TRMT11: variants seen among roughly 807,000 people sequenced by gnomAD.
The protein encoded by TRMT11 is tRNA (guanine(10)-N(2))-methyltransferase TRMT11.
A neutral mutation model predicts 62.8 loss-of-function variants in TRMT11; 53 were observed. The ratio of observed to expected loss-of-function variants is 0.84; its 90% confidence interval spans 0.68 to 1.06. The LOEUF (loss-of-function observed/expected upper bound fraction) is 1.06. Among genes scored for constraint, TRMT11 ranks in the 50% least tolerant of loss-of-function variants. The pLI, the probability that TRMT11 is intolerant of heterozygous loss-of-function variation, is 0.00. For missense variants in TRMT11, 556 were observed against 553.4 expected, an observed-to-expected ratio of 1.00 and a Z score of -0.05; for synonymous variants, 188 against 190.3, an observed-to-expected ratio of 0.99 and a Z score of 0.10.
intron 1 of TRMT11, among the ~76,000 whole-genome samples, chr6:126,183,893 T>A (rs1030088332): frequency 2.0e-5 from 3 of 152,142 alleles, no homozygotes; most frequent in African/African-American, 7.2e-5. Flanking sequence ...ACCTCAGCCC[T>A]TAGTGCGAGT....
At chr6:126,055,095 G>A (rs1044211561) in intron 17 of TRMT11, among the ~76,000 whole-genome samples, 1 of 152,152 alleles carries the variant, frequency 6.6e-6, no homozygotes, top group Non-Finnish European at 1.5e-5. Context: ...CTCCTGAGAA[G>A]CTGGGACTAC....
chr6:126,161,971 G>T (rs1778196101), intron 21 of TRMT11, among the ~76,000 whole-genome samples: 1 of 152,106 alleles, frequency 6.6e-6, no homozygotes, highest in African/African-American at 2.4e-5. Context: ...CCCTTTCTCA[G>T]ATGGATAGAT....
At chr6:126,065,597 C>T (rs997324434) in intron 17 of TRMT11, among the ~76,000 whole-genome samples, 2 of 152,082 alleles carry the variant, frequency 1.3e-5, no homozygotes, top group Non-Finnish European at 2.9e-5. Context: ...TTTCTCTGTG[C>T]CTCAGTTTTC....
chr6:126,175,581 A>G (rs1388678452), upstream of TRMT11, among the ~76,000 whole-genome samples: 1 of 152,190 alleles, frequency 6.6e-6, no homozygotes, highest in African/African-American at 2.4e-5. Context: ...AAAGGCAACA[A>G]AAGTCTATTT....
intron 21 of TRMT11, among the ~76,000 whole-genome samples, chr6:126,169,906 A>T (rs925462122): frequency 4.0e-5 from 6 of 151,684 alleles, no homozygotes; most frequent in East Asian, 1.9e-4. Flanking sequence ...AATAAGACAA[A>T]TTTTTTTTTA....
intron 1 of TRMT11, among the ~76,000 whole-genome samples, chr6:126,189,194 C>T (rs1441795261): frequency 6.6e-6 from 1 of 152,094 alleles, no homozygotes; most frequent in Non-Finnish European, 1.5e-5. Flanking sequence ...GACTTAAATG[C>T]AGGATAATTG....
chr6:126,221,808 A>T, the TRMT11 span, among the ~76,000 whole-genome samples: 1 of 152,166 alleles, frequency 6.6e-6, no homozygotes, highest in Non-Finnish European at 1.5e-5. Flanking sequence ...TAAACTGTTT[A>T]ATTTAGTTAG....
downstream of TRMT11, among the ~76,000 whole-genome samples, chr6:126,205,736 T>C (rs1016450182): frequency 3.3e-5 from 5 of 152,042 alleles, no homozygotes; most frequent in African/African-American, 9.7e-5. Flanking sequence ...TGTATTCTTA[T>C]CTCTCTTTCT....
At chr6:126,023,312 T>C (rs1181697996) in intron 12 of TRMT11, among the ~76,000 whole-genome samples, 1 of 152,190 alleles carries the variant, frequency 6.6e-6, no homozygotes, top group African/African-American at 2.4e-5. Context: ...AACGTCCATT[T>C]CAAACCCCGT....
upstream of TRMT11, among the ~76,000 whole-genome samples, chr6:126,175,174 T>G (rs1281340998): frequency 1.3e-5 from 2 of 152,180 alleles, no homozygotes; most frequent in Non-Finnish European, 2.9e-5. Flanking sequence ...GGGACAGTGA[T>G]TGAACCCAGG....
At chr6:126,154,519 T>C (rs1778095893) in intron 21 of TRMT11, among the ~76,000 whole-genome samples, 1 of 152,198 alleles carries the variant, frequency 6.6e-6, no homozygotes, top group South Asian at 2.1e-4. Context: ...TAACTTATAC[T>C]CTTGAGGTTC....
At chr6:126,085,712 A>G (rs1777210237) in intron 17 of TRMT11, among the ~76,000 whole-genome samples, 1 of 152,168 alleles carries the variant, frequency 6.6e-6, no homozygotes, top group African/African-American at 2.4e-5. Flanking sequence ...GTTAAAACAA[A>G]TGGATGATTG....
intron 17 of TRMT11, among the ~76,000 whole-genome samples, chr6:126,074,400 A>G (rs1162377761): frequency 6.6e-6 from 1 of 152,148 alleles, no homozygotes; most frequent in Admixed American, 6.5e-5. Context: ...TTGTTGAATA[A>G]ATAAGTTATA....
At chr6:126,088,954 A>G (rs76469394) in intron 17 of TRMT11, among the ~76,000 whole-genome samples, 2 of 152,224 alleles carry the variant, frequency 1.3e-5, no homozygotes, top group African/African-American at 4.8e-5. Flanking sequence ...TAATTCAAGA[A>G]TGAGAATTAG....
At chr6:126,042,625 C>A (rs73594022), downstream of TRMT11, among the ~76,000 whole-genome samples, 1,474 of 152,214 alleles carry the variant, frequency 9.7e-3, 21 homozygotes, top group African/African-American at 0.034. Context: ...TAAAAAGGAA[C>A]CTGTTTTGAC....
the TRMT11 span, among the ~76,000 whole-genome samples, chr6:126,224,324 C>G: frequency 6.6e-6 from 1 of 152,108 alleles, no homozygotes; most frequent in Admixed American, 6.5e-5. Flanking sequence ...AGGCTTTTTG[C>G]CTTTACATTC....
chr6:126,246,135 G>A, the TRMT11 span, among the ~76,000 whole-genome samples: 2 of 151,966 alleles, frequency 1.3e-5, no homozygotes, highest in African/African-American at 4.8e-5. Flanking sequence ...AATTAGCCAG[G>A]TGTAGTGATG....
the TRMT11 span, among the ~76,000 whole-genome samples, chr6:126,234,976 G>C: frequency 6.6e-6 from 1 of 152,112 alleles, no homozygotes; most frequent in Non-Finnish European, 1.5e-5. Flanking sequence ...GCATGAATTT[G>C]TTTATTTGAA....
rs1562334744 is a variant in TRMT11 at position 126,151,830 on chromosome 6, C to CTTTCTTTCTTTCTTTCTTTCTTTCTTTG, written c.*1824-22968_*1824-22967insGTTTCTTTCTTTCTTTCTTTCTTTCTTT. Reference sequence around the variant, plus strand: ...CTTTTCTTTCTTTCTTTCTTTCTTTCTTTCTTTCTTTCTTTCTTTCTTTCT... The same window carrying CTTTCTTTCTTTCTTTCTTTCTTTCTTTG: ...CTTTTCTTTCTTTCTTTCTTTCTTTCTTTCTTTCTTTCTTTCTTTCTTTCTTTGTTTCTTTCTTTCTTTCTTTCTTTCT... On this transcript the variant is annotated intron_variant and NMD_transcript_variant, in intron 21 of 22. Coordinates refer to the TRMT11 transcript ENST00000648977. 7.1e-5 allele frequency among the ~76,000 whole-genome samples: 8 copies of CTTTCTTTCTTTCTTTCTTTCTTTCTTTG among 112,332 alleles called. 1 individual carries two copies. Among genetic ancestry groups the CTTTCTTTCTTTCTTTCTTTCTTTCTTTG allele is most frequent in the African/African-American group, 3.0e-4 (8 of 26,588 alleles). The allele number at this position is 112,332 out of a possible 152,430, so 73.7% of individuals were successfully genotyped here.
Sources: allele counts gnomAD v4.1 joint callset (sites outside exome capture counted in the v4.1 genomes callset), GRCh38; gene constraint gnomAD v4.1.1; transcripts MANE v1.5; gene names NCBI Gene and HGNC (gene_info 2026-07-23, HGNC 2026-07-21).